The following STKLD1 variants were observed in gnomAD, a reference collection of about 807,000 sequenced individuals.
STKLD1 encodes serine/threonine kinase-like domain-containing protein STKLD1.
A neutral mutation model predicts 80.4 loss-of-function variants in STKLD1; 79 were observed. The observed-to-expected ratio is 0.98, with a 90% CI of 0.82 to 1.19. The LOEUF is 1.19. STKLD1 is among the 50% of genes most tolerant of loss of function. The pLI is 0.00. For synonymous variants in STKLD1, 393 were observed against 357.6 expected (o/e 1.10, Z -1.12); for missense variants, 841 against 856.0 (o/e 0.98, Z 0.22).
chr9:133,384,127 G>A lies in STKLD1; in HGVS notation c.219+227G>A. The A allele has an allele frequency of 1.8e-6, 1 of 556,990 alleles. No homozygotes were observed. Among genetic ancestry groups the A allele is most frequent in the Admixed American group, 3.4e-5 (1 of 29,310 alleles). The allele number at this position is 556,990 out of a possible 1,614,324, so 34.5% of individuals were successfully genotyped here. A position where few individuals can be genotyped will look rare whatever the true frequency, so the allele number is the denominator to read the frequency against. ...CAGGTGCCGACAACTTAGAACATAT[G>A]TTCCCAGAGAACATAAAATTTAAAT... On this transcript the variant is annotated intron_variant, in intron 3 of 17. Coordinates refer to ENST00000371957, the MANE Select transcript of STKLD1 (RefSeq NM_153710.5). The surrounding 1 kb of genome is among the most constrained non-coding windows in gnomAD (Gnocchi z 4.3).
At chr9:133,402,260 A>G (rs1314290634) in intron 13 of STKLD1, among the ~76,000 whole-genome samples, 1 of 152,084 alleles carries the variant, frequency 6.6e-6, no homozygotes, top group African/African-American at 2.4e-5. Context: ...GGACTGTGGG[A>G]AGGAGAGGGC....
At chr9:133,383,776 G>C in intron 2 of STKLD1, 80 bp from the exon 3 acceptor site, 1 of 1,362,752 alleles carries the variant, frequency 7.3e-7, no homozygotes, top group Non-Finnish European at 1.1e-6. Context: ...GGTAATGGTC[G>C]TTGTGGTGGT....
At chr9:133,383,932 A>C (rs2130271592) in intron 3 of STKLD1, 32 bp downstream of exon 3, 5 of 1,594,634 alleles carry the variant, frequency 3.1e-6, no homozygotes, top group Non-Finnish European at 4.3e-6. Context: ...CCTCTGGAAG[A>C]GCTCAATGGA....
At chr9:133,383,963 G>C in intron 3 of STKLD1, 63 bp downstream of exon 3, 2 of 1,475,092 alleles carry the variant, frequency 1.4e-6, no homozygotes, top group Non-Finnish European at 1.9e-6. Context: ...ACTGTGTTCT[G>C]TACCTTCTTG....
In STKLD1 at chr9:133,403,918, A is replaced by C; in HGVS notation, c.1604-2A>C. The C allele has an allele frequency of 1.2e-6, 2 of 1,606,172 alleles. No individual in the cohort carries two copies. The highest frequency in any genetic ancestry group is 2.2e-5 in the South Asian group (2 of 90,490). On this transcript the variant is annotated splice_acceptor_variant, in intron 15 of 17. Transcript: ENST00000371957. LOFTEE classifies it high-confidence loss of function. The stretch of plus-strand genomic sequence containing the variant: ...ACAAGGCAGCCCGGCCCCTTTCTGC[A>C]GGCTGCATCAAGGAGCAGCAGTTTG...
chr9:133,383,312 G>GATGA (rs1838188460), intron 2 of STKLD1, among the ~76,000 whole-genome samples: 20 of 1,124 alleles, frequency 0.018, no homozygotes, highest in Non-Finnish European at 0.024. Flanking sequence ...GGTAATGGTG[G>GATGA]TGGTGTGATG....
chr9:133,400,652 G>C, intron 12 of STKLD1, 123 bp downstream of exon 12: 1 of 797,376 alleles, frequency 1.3e-6, no homozygotes, highest in Non-Finnish European at 2.1e-6. Context: ...CCTGCTCCCT[G>C]CTGCTGCACC....
chr9:133,401,570 A>G (rs1364933534), intron 12 of STKLD1, among the ~76,000 whole-genome samples, 168 bp from the exon 13 acceptor site: 1 of 152,184 alleles, frequency 6.6e-6, no homozygotes, highest in Non-Finnish European at 1.5e-5. Flanking sequence ...CCTTCACTCC[A>G]TTAGGCCACA....
At chr9:133,404,691 C>T (rs1277107375) in intron 16 of STKLD1, 98 bp from the exon 17 acceptor site, 3 of 1,498,860 alleles carry the variant, frequency 2.0e-6, no homozygotes, top group East Asian at 2.3e-5. Flanking sequence ...CTGTCCCAGG[C>T]CCCTGTGTGA....
At chr9:133,398,414 C>T (rs1358141650) in intron 11 of STKLD1, among the ~76,000 whole-genome samples, 1 of 152,168 alleles carries the variant, frequency 6.6e-6, no homozygotes, top group Non-Finnish European at 1.5e-5. Context: ...CACTTGTTTC[C>T]GTAGCACAGA....
intron 12 of STKLD1, among the ~76,000 whole-genome samples, chr9:133,400,983 C>T (rs1838689675): frequency 6.6e-6 from 1 of 152,130 alleles, no homozygotes; most frequent in African/African-American, 2.4e-5. Context: ...TGGGTTGTGT[C>T]CTCTGAAGAG....
Position 133,403,752 on chromosome 9 carries a change from G to C in STKLD1, c.1527G>C (p.Gln509His). The change falls in exon 15 of 18, where the codon CAG (glutamine) becomes CAC (histidine). Residue 509 changes from glutamine (Q) to histidine (H), a missense_variant. Physicochemically the swap from Gln to His is conservative, Grantham distance 24. Coordinates refer to ENST00000371957, the MANE Select transcript of STKLD1 (RefSeq NM_153710.5). ...AGAAGGTCCCGGACCTCATCAGCCA[G>C]GTGTTGGCCACCTACCCTGCGGATG... ...PLEKVPDLISQVLATYPADGE... is the reference protein window; with the variant it reads ...PLEKVPDLISHVLATYPADGE... 1 of 1,613,870 alleles carries C rather than the reference G, an allele frequency of 6.2e-7. No individual in the cohort carries two copies. Among genetic ancestry groups the C allele is most frequent in the Non-Finnish European group, 8.5e-7 (1 of 1,179,974 alleles).
At chr9:133,386,571 G>A (rs1319055109) in intron 4 of STKLD1, among the ~76,000 whole-genome samples, 1 of 152,234 alleles carries the variant, frequency 6.6e-6, no homozygotes, top group Non-Finnish European at 1.5e-5. Flanking sequence ...TACTGTCCCT[G>A]TGCTCCTGAT....
intron 1 of STKLD1, 44 bp from the exon 2 acceptor site, chr9:133,378,992 A>G: frequency 6.4e-7 from 1 of 1,570,544 alleles, no homozygotes; most frequent in Non-Finnish European, 8.7e-7. Context: ...GAAAGGGAAA[A>G]GTTGTGTGCA....
Position 133,402,913 on chromosome 9 carries a change from G to C in STKLD1, c.1375G>C (p.Gly459Arg). Reference sequence around the variant, plus strand: ...ACTGTCAGAGGAGCTGCAGAATGCTGGGCTGCTGGAGCACATCCTGGAGCA... The same window carrying C: ...ACTGTCAGAGGAGCTGCAGAATGCTCGGCTGCTGGAGCACATCCTGGAGCA... Reference protein sequence around the residue: ...ESLSEELQNAGLLEHILEHLN... With the variant: ...ESLSEELQNARLLEHILEHLN... Residue 459 changes from glycine to arginine, a missense_variant, in exon 14 of 18, where the codon GGG (glycine) becomes CGG (arginine). Physicochemically the swap from Gly to Arg is moderately radical, Grantham distance 125. Coordinates refer to ENST00000371957, the MANE Select transcript of STKLD1 (RefSeq NM_153710.5). 6.3e-7 allele frequency: 1 copy of C among 1,588,002 alleles called. No individual in the cohort carries two copies. Among genetic ancestry groups the C allele is most frequent in the Non-Finnish European group, 8.6e-7 (1 of 1,167,524 alleles).
rs1175487651 is a variant in STKLD1, at chr9:133,390,615, G to A, written c.468-66G>A. 4 of 1,202,136 alleles carry A rather than the reference G, an allele frequency of 3.3e-6. No homozygotes were observed. The African/African-American group carries it at 4.5e-5, about 13-fold the overall frequency. 74.5% of individuals were successfully genotyped at this position (1,202,136 alleles called of 1,614,324 possible). A position where few individuals can be genotyped will look rare whatever the true frequency, so the allele number is the denominator to read the frequency against. ...AGCACACACACTGGTCCCACCTGGGGTTGTGGGTGGTGGCTGCCCAGGTGG... is the reference window on the plus strand; with the variant it reads ...AGCACACACACTGGTCCCACCTGGGATTGTGGGTGGTGGCTGCCCAGGTGG... On this transcript the variant is annotated intron_variant, in intron 6 of 17. Coordinates refer to ENST00000371957, the MANE Select transcript of STKLD1 (RefSeq NM_153710.5). This position sits in a 1 kb window ranked among gnomAD's most constrained non-coding sequence, Gnocchi z 5.1.
chr9:133,399,009 C>G (rs140519690), intron 11 of STKLD1, among the ~76,000 whole-genome samples: 2 of 152,102 alleles, frequency 1.3e-5, no homozygotes, highest in African/African-American at 4.8e-5. Flanking sequence ...TGTGCCACCA[C>G]ACCCAGCTAA....
Position 133,376,510 on chromosome 9 carries a change from C to T in STKLD1, c.37C>T (p.Gln13Ter). The change falls in exon 1 of 18, where the codon CAG becomes TAG. Residue 13 changes from glutamine to a stop codon, truncating the protein, a stop_gained. Transcript: ENST00000371957. LOFTEE classifies it high-confidence loss of function. ...GPGSNRRRPT[Q>*]GERGPGSPGE... Reference sequence around the variant, plus strand: ...AGGGTCCAATCGCAGGCGCCCCACGCAGGGGGAGCGAGGCCCAGGGTCCCC... The same window carrying T: ...AGGGTCCAATCGCAGGCGCCCCACGTAGGGGGAGCGAGGCCCAGGGTCCCC... 3.7e-6 allele frequency: 6 copies of T among 1,600,536 alleles called. No homozygotes were observed. Among genetic ancestry groups the T allele is most frequent in the Non-Finnish European group, 5.1e-6 (6 of 1,175,290 alleles).
At chr9:133,387,729 T>C (rs2130280580) in intron 5 of STKLD1, 181 bp downstream of exon 5, 27 of 691,884 alleles carry the variant, frequency 3.9e-5, no homozygotes, top group Middle Eastern at 2.3e-4. Context: ...AGTGCACAGT[T>C]TGATGCACTC....
Sources: gnomAD v4.1 joint callset for allele counts (sites outside exome capture counted in the v4.1 genomes callset) on GRCh38, gnomAD v4.1.1 for gene constraint, Gnocchi (gnomAD v3.1) non-coding constraint, MANE v1.5 for transcripts, NCBI Gene and HGNC (gene_info 2026-07-23, HGNC 2026-07-21) for gene names.